Variants in EGFL6 observed in about 807,000 individuals in gnomAD.
The protein encoded by EGFL6 is epidermal growth factor-like protein 6.
A neutral mutation model predicts 43.1 loss-of-function variants in EGFL6; 42 were observed. The observed-to-expected ratio is 0.98, with a 90% CI of 0.76 to 1.26. The LOEUF (loss-of-function observed/expected upper bound fraction) is 1.26, where lower values mean the gene tolerates loss of function less well. Among genes scored for constraint, EGFL6 ranks in the 50% most tolerant of loss-of-function variants. The pLI, the probability that EGFL6 is intolerant of heterozygous loss-of-function variation, is 0.00. For missense variants in EGFL6, 429 were observed against 427.8 expected, an observed-to-expected ratio of 1.00 and a Z score of -0.02; for synonymous variants, 164 against 163.2, an observed-to-expected ratio of 1.01 and a Z score of -0.04.
intron 1 of EGFL6, among the ~76,000 whole-genome samples, chrX:13,586,073 A>C (rs960519232): frequency 1.8e-5 from 2 of 112,500 alleles, no homozygotes; most frequent in Non-Finnish European, 3.8e-5. Flanking sequence ...CATCAAAACA[A>C]ATAACCCAGT....
chrX:13,580,560 C>T (rs2045500053), intron 1 of EGFL6, among the ~76,000 whole-genome samples: 1 of 111,791 alleles, frequency 8.9e-6, no homozygotes, highest in South Asian at 3.7e-4. Context: ...ACATCTGCTA[C>T]TAAGTCCTGT....
In EGFL6 at chrX:13,617,223, G is replaced by C. The variant is rs2045723831; in HGVS notation, c.779-507G>C. On this transcript the variant is annotated intron_variant, in intron 7 of 11. Coordinates refer to ENST00000361306, the MANE Select transcript of EGFL6 (RefSeq NM_015507.4). ...AAAAATTCAAAGGGGAGAGAGAAGA[G>C]AGAAAGAAAATTGGGTATGTGTATA... Among the ~76,000 whole-genome samples the C allele has an allele frequency of 2.7e-5, 3 of 112,115 alleles. No homozygotes were observed. The Admixed American group carries it at 2.8e-4, about 11-fold the overall frequency.
intron 11 of EGFL6, among the ~76,000 whole-genome samples, chrX:13,630,586 A>G (rs2045805330): frequency 8.9e-6 from 1 of 112,236 alleles, no homozygotes; most frequent in African/African-American, 3.2e-5. Context: ...AGAAACTTCT[A>G]TACCCAGTTG....
intron 9 of EGFL6, among the ~76,000 whole-genome samples, chrX:13,620,824 G>A (rs935899616): frequency 2.7e-5 from 3 of 111,472 alleles, no homozygotes; most frequent in African/African-American, 9.8e-5. Flanking sequence ...CTCCTCTTTC[G>A]ATCCCCAAAC....
chrX:13,600,346 G>C (rs1235697688), intron 4 of EGFL6, among the ~76,000 whole-genome samples: 1 of 92,691 alleles, frequency 1.1e-5, no homozygotes, highest in Non-Finnish European at 2.1e-5. Context: ...GAGTGCAGTG[G>C]TGCAATCTGA....
chrX:13,622,854 CTT>C (rs367663994), intron 9 of EGFL6, among the ~76,000 whole-genome samples: 114 of 111,824 alleles, frequency 1.0e-3, no homozygotes, highest in African/African-American at 3.5e-3. Context: ...TGAATGAACT[CTT>C]ATATTTCTCT....
intron 1 of EGFL6, among the ~76,000 whole-genome samples, chrX:13,576,781 A>G (rs1424897281): frequency 8.9e-6 from 1 of 111,813 alleles, no homozygotes; most frequent in African/African-American, 3.3e-5. Flanking sequence ...AAAAGGATAG[A>G]TTGTTAAATG....
chrX:13,609,613 G>T (rs773872401), intron 7 of EGFL6, among the ~76,000 whole-genome samples: 1 of 110,620 alleles, frequency 9.0e-6, no homozygotes, highest in Non-Finnish European at 1.9e-5. Context: ...AATTAGCCGG[G>T]CATGGTGGTG....
At chrX:13,581,962 G>C (rs111405280) in intron 1 of EGFL6, among the ~76,000 whole-genome samples, 3,221 of 111,788 alleles carry the variant, frequency 0.029, 53 homozygotes, top group Middle Eastern at 0.056. Context: ...GACAGAGAGA[G>C]AGTGAGAGAG....
Position 13,619,191 on chromosome X carries a change from C to A in EGFL6, c.1131C>A (p.Phe377Leu), listed in dbSNP as rs770872193. The change falls in exon 9 of 12, where the codon TTC (phenylalanine) becomes TTA (leucine). Residue 377 changes from phenylalanine (F) to leucine (L), a missense_variant. Phe to Leu is a conservative substitution (Grantham distance 22). Coordinates refer to ENST00000361306, the MANE Select transcript of EGFL6 (RefSeq NM_015507.4). ...FFPKVNEAGE[F>L]GLILVQRKAL... The stretch of plus-strand genomic sequence containing the variant: ...CTAAGGTGAATGAAGCAGGTGAATT[C>A]GGCCTGATTCTGGTCCAAAGGAAAG... 4 of 1,211,182 alleles carry A rather than the reference C, an allele frequency of 3.3e-6. No homozygotes were observed.
chrX:13,599,053 C>A (rs1238888853), intron 3 of EGFL6, among the ~76,000 whole-genome samples: 1 of 108,859 alleles, frequency 9.2e-6, no homozygotes, highest in Non-Finnish European at 1.9e-5. Flanking sequence ...AGCTGTCTGA[C>A]AGGGCTCCCT....
At chrX:13,623,966 AG>A in intron 10 of EGFL6, 41 bp downstream of exon 10, 1 of 1,005,601 alleles carries the variant, frequency 9.9e-7, no homozygotes, top group Non-Finnish European at 1.4e-6. Context: ...AATATGGTGA[AG>A]GGATAGAAAG....
intron 7 of EGFL6, among the ~76,000 whole-genome samples, chrX:13,609,245 G>A (rs902069996): frequency 1.1e-4 from 12 of 112,067 alleles, no homozygotes; most frequent in South Asian, 3.7e-4. Context: ...TGTCACAGCA[G>A]AGAAAGAAGC....
chrX:13,606,638 C>A, intron 6 of EGFL6, 125 bp downstream of exon 6: 1 of 741,405 alleles, frequency 1.3e-6, no homozygotes, highest in Non-Finnish European at 1.9e-6. Context: ...ACCAGCTTAA[C>A]AATAAGGAAA....
intron 2 of EGFL6, among the ~76,000 whole-genome samples, chrX:13,591,994 C>A (rs1448534161): frequency 9.0e-6 from 1 of 111,688 alleles, no homozygotes; most frequent in Non-Finnish European, 1.9e-5. Flanking sequence ...AATCTCAGGC[C>A]ATTTTAAACA....
At position 13,608,384 on chromosome X, in the gene EGFL6, C is replaced by T; in HGVS notation, c.716C>T (p.Thr239Ile). 1.7e-6 allele frequency: 2 copies of T among 1,207,579 alleles called. No individual in the cohort carries two copies. Among genetic ancestry groups the T allele is most frequent in the Non-Finnish European group, 1.1e-6 (1 of 893,135 alleles). ...TCSHHANCFNTQGSFKCKCKQ... is the reference protein window; with the variant it reads ...TCSHHANCFNIQGSFKCKCKQ... ...AGCCACCATGCCAATTGCTTCAATA[C>T]CCAAGGGTCCTTCAAGTGTAAATGC... The change falls in exon 7 of 12, where the codon ACC becomes ATC. Residue 239 changes from threonine to isoleucine, a missense_variant. Physicochemically the swap from Thr to Ile is moderately conservative, Grantham distance 89 (BLOSUM62 -1). Transcript: ENST00000361306.
rs777427503 is a variant in EGFL6 at position 13,594,946 on chromosome X, G to C, written c.280+18G>C. On this transcript the variant is annotated intron_variant, in intron 3 of 11. Coordinates refer to ENST00000361306, the MANE Select transcript of EGFL6 (RefSeq NM_015507.4). ...CAGTCAAGGTCAGTAAGGTAGCCCAGGGTCATAGTTCAAATTCAATCATTG... is the reference window on the plus strand; with the variant it reads ...CAGTCAAGGTCAGTAAGGTAGCCCACGGTCATAGTTCAAATTCAATCATTG... The C allele has an allele frequency of 2.6e-6, 3 of 1,149,857 alleles. No homozygotes were observed. 94.8% of individuals were successfully genotyped at this position (1,149,857 alleles called of 1,213,427 possible).
At chrX:13,630,990 T>C (rs375779613) in intron 11 of EGFL6, among the ~76,000 whole-genome samples, 1 of 112,432 alleles carries the variant, frequency 8.9e-6, no homozygotes, top group East Asian at 2.8e-4. Flanking sequence ...AAATTACTTT[T>C]TTGAAAATAA....
At chrX:13,602,419 T>C (rs2045638713) in intron 4 of EGFL6, among the ~76,000 whole-genome samples, 1 of 112,115 alleles carries the variant, frequency 8.9e-6, no homozygotes, top group Non-Finnish European at 1.9e-5. Flanking sequence ...GCCAAGTAAA[T>C]TGTCTCATTT....
Sources: gnomAD v4.1 joint callset for allele counts (sites outside exome capture counted in the v4.1 genomes callset) on GRCh38, gnomAD v4.1.1 for gene constraint, MANE v1.5 for transcripts, NCBI Gene and HGNC (gene_info 2026-07-23, HGNC 2026-07-21) for gene names.